DNER: variants seen among roughly 807,000 people sequenced by gnomAD.
DNER encodes the protein delta and Notch-like epidermal growth factor-related receptor.
A neutral mutation model predicts 78.2 loss-of-function variants in DNER; 33 were observed. The observed-to-expected ratio is 0.42, with a 90% CI of 0.32 to 0.56. DNER has a LOEUF of 0.56. Ranked by LOEUF, DNER falls within the 20% of genes least tolerant of loss-of-function variation. The pLI is 0.11. For synonymous variants in DNER, 417 were observed against 384.8 expected (o/e 1.08, Z -0.98); for missense variants, 918 against 975.3 (o/e 0.94, Z 0.78).
At chr2:229,641,197 C>A (rs1698616927) in intron 1 of DNER, among the ~76,000 whole-genome samples, 2 of 152,150 alleles carry the variant, frequency 1.3e-5, no homozygotes, top group Non-Finnish European at 2.9e-5. Context: ...CTTTGTCCAA[C>A]ACGCAGTCGT....
intron 1 of DNER, among the ~76,000 whole-genome samples, chr2:229,707,583 T>G (rs1240795258): frequency 6.6e-6 from 1 of 152,178 alleles, no homozygotes; most frequent in East Asian, 1.9e-4. Context: ...AAACCTGTCA[T>G]TTATTCAACA....
chr2:229,430,063 CA>C (rs1213851505), intron 8 of DNER, among the ~76,000 whole-genome samples: 1 of 152,108 alleles, frequency 6.6e-6, no homozygotes, highest in Non-Finnish European at 1.5e-5. Flanking sequence ...ATCAGAGGGC[CA>C]AATAACCTTT....
chr2:229,678,802 T>G (rs1699339716), intron 1 of DNER, among the ~76,000 whole-genome samples: 5 of 152,228 alleles, frequency 3.3e-5, no homozygotes, highest in Admixed American at 3.3e-4. Context: ...TTACAGGGTA[T>G]AAGGAAGTCA....
intron 7 of DNER, among the ~76,000 whole-genome samples, chr2:229,453,927 A>T (rs1694514489): frequency 6.9e-6 from 1 of 144,258 alleles, no homozygotes; most frequent in African/African-American, 2.4e-5. Flanking sequence ...TATTAAAAAA[A>T]AAAAAAAAAA....
chr2:229,358,634 C>T lies in DNER; in HGVS notation c.2120G>A (p.Arg707Gln), dbSNP rs35720839. Residue 707 changes from arginine to glutamine, a missense_variant, in exon 13 of 13, where the codon CGG becomes CAG. Physicochemically the swap from Arg to Gln is conservative, Grantham distance 43. Coordinates refer to ENST00000341772, the MANE Select transcript of DNER (RefSeq NM_139072.4). Reference protein sequence around the residue: ...IRHARFGKKSRPAMYDVSPIA... With the variant: ...IRHARFGKKSQPAMYDVSPIA... ...GGGGCTCACATCATACATTGCAGGC[C>T]GGGATTTCTTTCCAAACCTGAAATC... 9.9e-6 allele frequency: 16 copies of T among 1,613,072 alleles called. No homozygotes were observed. The highest frequency in any genetic ancestry group is 1.3e-5 in the African/African-American group (1 of 74,774).
chr2:229,563,009 CCCA>C (rs1696991279), intron 4 of DNER, among the ~76,000 whole-genome samples: 1 of 145,480 alleles, frequency 6.9e-6, no homozygotes, highest in African/African-American at 2.6e-5. Flanking sequence ...ACATCATCAC[CCCA>C]CCACCATCAT....
chr2:229,656,114 A>G (rs1350638637), intron 1 of DNER, among the ~76,000 whole-genome samples: 1 of 152,182 alleles, frequency 6.6e-6, no homozygotes, highest in Non-Finnish European at 1.5e-5. Context: ...GTGATAATGT[A>G]TTACTGCAGC....
intron 6 of DNER, among the ~76,000 whole-genome samples, chr2:229,478,252 G>A (rs1486198450): frequency 1.5e-5 from 2 of 131,426 alleles, no homozygotes; most frequent in African/African-American, 6.0e-5. Context: ...TTTATTTCTA[G>A]GACAGTTTTA....
At chr2:229,666,035 TC>T (rs1699087112) in intron 1 of DNER, among the ~76,000 whole-genome samples, 1 of 152,198 alleles carries the variant, frequency 6.6e-6, no homozygotes, top group Admixed American at 6.5e-5. Flanking sequence ...GGTATCCAAA[TC>T]CAGACTCCAA....
chr2:229,575,308 A>G (rs1201190211), intron 4 of DNER, among the ~76,000 whole-genome samples: 1 of 152,178 alleles, frequency 6.6e-6, no homozygotes, highest in African/African-American at 2.4e-5. Flanking sequence ...CCCAAATTGT[A>G]GAATATCTGC....
chr2:229,680,333 C>T (rs1447871083), intron 1 of DNER, among the ~76,000 whole-genome samples: 2 of 152,162 alleles, frequency 1.3e-5, no homozygotes, highest in Non-Finnish European at 2.9e-5. Flanking sequence ...AGGTTTCCCT[C>T]CAAGGTGTAT....
rs574847524 is a variant in DNER at position 229,537,170 on chromosome 2, C to T, written c.993+9777G>A. 8.5e-5 allele frequency among the ~76,000 whole-genome samples: 13 copies of T among 152,262 alleles called. No homozygotes were observed. The East Asian group carries it at 1.2e-3, about 14-fold the overall frequency. On this transcript the variant is annotated intron_variant, in intron 5 of 12. Transcript: ENST00000341772. ...TTTAACAAGATCCTCATATGATTCA[C>T]GTGCACATTAAGGTTTGAGAATGCT... is the stretch of plus-strand genomic sequence containing the variant.
rs376241278 is a variant in DNER at position 229,546,876 on chromosome 2, T to G, written c.993+71A>C. The G allele has an allele frequency of 5.0e-6, 8 of 1,591,960 alleles. 1 individual carries two copies. The African/African-American group carries it at 1.1e-4, about 22-fold the overall frequency. On this transcript the variant is annotated intron_variant, in intron 5 of 12. Transcript: ENST00000341772. ...GATGAAAGGGGTAAGAACACACACATACTTATGTATTTATTCAGGTAAATA... is the reference window on the plus strand; with the variant it reads ...GATGAAAGGGGTAAGAACACACACAGACTTATGTATTTATTCAGGTAAATA...
At chr2:229,649,936 G>A (rs1012062171) in intron 1 of DNER, among the ~76,000 whole-genome samples, 12 of 152,094 alleles carry the variant, frequency 7.9e-5, no homozygotes, top group Middle Eastern at 6.8e-3. Context: ...TTAGCCGGGC[G>A]TGGTGGCAGC....
chr2:229,439,233 T>G (rs1239916348), intron 8 of DNER, among the ~76,000 whole-genome samples: 1 of 152,240 alleles, frequency 6.6e-6, no homozygotes, highest in Non-Finnish European at 1.5e-5. Flanking sequence ...TATGGCCATT[T>G]CATCTCACCT....
At chr2:229,534,815 A>G (rs765328583) in intron 5 of DNER, among the ~76,000 whole-genome samples, 43 of 152,170 alleles carry the variant, frequency 2.8e-4, no homozygotes, top group Non-Finnish European at 5.3e-4. Context: ...GTTTACTAAT[A>G]AGATGAATTT....
intron 1 of DNER, among the ~76,000 whole-genome samples, chr2:229,616,205 C>G (rs1698159635): frequency 6.6e-6 from 1 of 152,188 alleles, no homozygotes; most frequent in Non-Finnish European, 1.5e-5. Flanking sequence ...GATGCTACTA[C>G]CACGGACCAC....
At chr2:229,632,652 G>C (rs919170263) in intron 1 of DNER, among the ~76,000 whole-genome samples, 1 of 152,156 alleles carries the variant, frequency 6.6e-6, no homozygotes, top group Admixed American at 6.5e-5. Context: ...AGTTCTGAAA[G>C]AATTACAAAG....
At chr2:229,457,336 A>G in intron 7 of DNER, among the ~76,000 whole-genome samples, 1 of 152,138 alleles carries the variant, frequency 6.6e-6, no homozygotes, top group Non-Finnish European at 1.5e-5. Context: ...ATGATGTTGT[A>G]ACGTACATAG....
Sources: gnomAD v4.1 joint callset for allele counts (sites outside exome capture counted in the v4.1 genomes callset) on GRCh38, gnomAD v4.1.1 for gene constraint, MANE v1.5 for transcripts, NCBI Gene and HGNC (gene_info 2026-07-23, HGNC 2026-07-21) for gene names.